The following RPS6KA2 variants were observed in gnomAD, a reference collection of about 807,000 sequenced individuals.
RPS6KA2 encodes the protein ribosomal protein S6 kinase alpha-2.
Under a neutral mutation model 91.8 loss-of-function variants are expected in RPS6KA2, and 42 were observed. The observed-to-expected ratio is 0.46, with a 90% CI of 0.36 to 0.59. The LOEUF (loss-of-function observed/expected upper bound fraction) is 0.59, where lower values mean the gene tolerates loss of function less well. RPS6KA2 is among the 20% of genes least tolerant of loss of function. RPS6KA2 has a pLI of 0.00. For synonymous variants in RPS6KA2, 414 were observed against 393.6 expected (o/e 1.05, Z -0.61); for missense variants, 798 against 978.5 (o/e 0.82, Z 2.46).
At chr6:166,818,892 C>T (rs531051450) in intron 2 of RPS6KA2, among the ~76,000 whole-genome samples, 6 of 152,132 alleles carry the variant, frequency 3.9e-5, no homozygotes, top group Non-Finnish European at 7.4e-5. Flanking sequence ...CCAGGCTCAT[C>T]TTGTATGTCG....
intron 1 of RPS6KA2, among the ~76,000 whole-genome samples, chr6:166,575,094 C>T (rs1466134283): frequency 2.6e-5 from 4 of 152,234 alleles, no homozygotes; most frequent in African/African-American, 9.7e-5. Context: ...ATGATAGGCA[C>T]AGCCACCAAC....
Position 166,535,001 on chromosome 6 carries a change from C to G in RPS6KA2, c.216+3667G>C, listed in dbSNP as rs3799644. Among the ~76,000 whole-genome samples the G allele has an allele frequency of 5.2e-4, 79 of 152,382 alleles. No homozygotes were observed. In the East Asian group the frequency reaches 0.015, roughly 28 times the overall value. ...GTGCCGTGCAGTTCCCTCTCCCTCT[C>G]TGCTGTCATTCTTGTCACTGAAGAT... On this transcript the variant is annotated intron_variant, in intron 2 of 20. Coordinates refer to ENST00000265678, the MANE Select transcript of RPS6KA2 (RefSeq NM_021135.6).
chr6:166,839,398 T>C (rs921483645), intron 2 of RPS6KA2, among the ~76,000 whole-genome samples: 2 of 151,982 alleles, frequency 1.3e-5, no homozygotes, highest in African/African-American at 2.4e-5. Context: ...TTTTCCAGGA[T>C]ACGTTATGAA....
intron 2 of RPS6KA2, among the ~76,000 whole-genome samples, chr6:166,792,399 A>G (rs1330791428): frequency 1.3e-5 from 2 of 151,982 alleles, no homozygotes; most frequent in Non-Finnish European, 2.9e-5. Flanking sequence ...GACCAGATGG[A>G]TTCACAGCCG....
rs1384448718 is a variant in RPS6KA2 at position 166,557,072 on chromosome 6, G to T, written c.100-18288C>A. ...AGCCGGGGCTGACTCATCACATCCC[G>T]CCTCGCCAAACACGTTTTCTCTTCC... On this transcript the variant is annotated intron_variant, in intron 1 of 20. Coordinates refer to ENST00000265678, the MANE Select transcript of RPS6KA2 (RefSeq NM_021135.6). The surrounding 1 kb of genome is among the most constrained non-coding windows in gnomAD (Gnocchi z 4.8). Among the ~76,000 whole-genome samples, 1 of 152,308 alleles carries T rather than the reference G, an allele frequency of 6.6e-6. No individual in the cohort carries two copies. Among genetic ancestry groups the T allele is most frequent in the East Asian group, 1.9e-4 (1 of 5,176 alleles).
chr6:166,819,544 T>C (rs1413795338), intron 2 of RPS6KA2, among the ~76,000 whole-genome samples: 1 of 152,224 alleles, frequency 6.6e-6, no homozygotes, highest in Non-Finnish European at 1.5e-5. Context: ...CATTGATAAG[T>C]GGACTCACAC....
intron 15 of RPS6KA2, 39 bp downstream of exon 15, chr6:166,432,362 A>G (rs1318104453): frequency 1.5e-6 from 2 of 1,329,026 alleles, no homozygotes; most frequent in Admixed American, 3.5e-5. Context: ...TTGAAGAAAC[A>G]GAAGGAAGTG....
rs190766138 is a variant in RPS6KA2, at chr6:166,730,011, T to G, written c.123+128189A>C. On this transcript the variant is annotated intron_variant, in intron 2 of 21. Transcript: ENST00000503859. ...TCTAAAGAAATAAAGATTTTATGTT[T>G]CATCAAGATAATTTTCTGTGTTGCC... Among the ~76,000 whole-genome samples the G allele has an allele frequency of 5.9e-5, 9 of 152,362 alleles. No homozygotes were observed. In the East Asian group the frequency reaches 1.7e-3, roughly 29 times the overall value.
chr6:166,751,538 A>AGG (rs1048255973), intron 2 of RPS6KA2, among the ~76,000 whole-genome samples: 2 of 152,248 alleles, frequency 1.3e-5, no homozygotes, highest in Non-Finnish European at 2.9e-5. Flanking sequence ...AGATGGCGAC[A>AGG]GGGGCTTGAG....
chr6:166,634,600 A>G (rs1787178646), intron 2 of RPS6KA2, among the ~76,000 whole-genome samples: 1 of 152,232 alleles, frequency 6.6e-6, no homozygotes, highest in Non-Finnish European at 1.5e-5. Flanking sequence ...TGAGAAAATA[A>G]CACATAACTC....
At chr6:166,453,740 A>G (rs1421268404) in intron 12 of RPS6KA2, among the ~76,000 whole-genome samples, 1 of 152,248 alleles carries the variant, frequency 6.6e-6, no homozygotes, top group African/African-American at 2.4e-5. Flanking sequence ...TCAAAAAGAT[A>G]CCCGCACTTG....
chr6:166,517,455 GTTTTT>G lies in RPS6KA2; in HGVS notation c.299-7103_299-7099del, dbSNP rs71032809. 3.8e-4 allele frequency among the ~76,000 whole-genome samples: 40 copies of G among 104,930 alleles called. 1 individual carries two copies. The South Asian group carries it at 7.9e-3, about 21-fold the overall frequency. 68.8% of individuals were successfully genotyped at this position (104,930 alleles called of 152,430 possible). A position where few individuals can be genotyped will look rare whatever the true frequency, so the allele number is the denominator to read the frequency against. Reference sequence around the variant, plus strand: ...ACCACTTAAGGCGTTCTTTTGTTTTGTTTTTTTTTTTTTTTTTTTTTTTTTTTTTT... The same window carrying G: ...ACCACTTAAGGCGTTCTTTTGTTTTGTTTTTTTTTTTTTTTTTTTTTTTTT... On this transcript the variant is annotated intron_variant, in intron 3 of 20. Coordinates refer to ENST00000265678, the MANE Select transcript of RPS6KA2 (RefSeq NM_021135.6).
At chr6:166,544,478 C>CA (rs1783762753) in intron 1 of RPS6KA2, 1 of 152,084 alleles carries the variant, frequency 6.6e-6, no homozygotes, top group Admixed American at 6.5e-5. Context: ...CCACCCATGA[C>CA]AAAAATCCTC....
At chr6:166,710,471 G>T (rs1468529187) in intron 2 of RPS6KA2, among the ~76,000 whole-genome samples, 10 of 118,618 alleles carry the variant, frequency 8.4e-5, no homozygotes, top group African/African-American at 3.1e-4. Context: ...TATGTGTATG[G>T]TATGTGTTGT....
intron 16 of RPS6KA2, among the ~76,000 whole-genome samples, chr6:166,427,619 T>C (rs1384135912): frequency 6.6e-6 from 1 of 152,170 alleles, no homozygotes; most frequent in African/African-American, 2.4e-5. Context: ...GGATACAAAA[T>C]CAATGTACAA....
intron 2 of RPS6KA2, among the ~76,000 whole-genome samples, chr6:166,751,966 C>T (rs1238167026): frequency 6.6e-6 from 1 of 152,082 alleles, no homozygotes; most frequent in Non-Finnish European, 1.5e-5. Context: ...CCGTGGAGCA[C>T]AGAAGCCAGA....
intron 2 of RPS6KA2, among the ~76,000 whole-genome samples, chr6:166,804,612 G>C (rs1018915721): frequency 2.5e-4 from 38 of 151,984 alleles, no homozygotes; most frequent in African/African-American, 8.7e-4. Context: ...GCATTACATA[G>C]AGTATTATAT....
rs189404874 is a variant in RPS6KA2 at position 166,676,473 on chromosome 6, C to A, written c.124-137689G>T. 2.4e-3 allele frequency among the ~76,000 whole-genome samples: 364 copies of A among 152,314 alleles called. 6 individuals are homozygous for A. Among genetic ancestry groups the A allele is most frequent in the Admixed American group, 0.02 (309 of 15,310 alleles). The stretch of plus-strand genomic sequence containing the variant: ...AGCGCAAGTCCACCCTGTGATTCCA[C>A]GCCTCACCCTCTAGCGGCTCGGCTC... On this transcript the variant is annotated intron_variant, in intron 2 of 21. Coordinates refer to the RPS6KA2 transcript ENST00000503859.
chr6:166,609,557 G>A (rs1786087560), intron 1 of RPS6KA2, among the ~76,000 whole-genome samples: 2 of 150,500 alleles, frequency 1.3e-5, no homozygotes, highest in Non-Finnish European at 3.0e-5. Context: ...GCCCAGGCTG[G>A]AGTGCAGTCT....
Sources: allele counts gnomAD v4.1 joint callset (sites outside exome capture counted in the v4.1 genomes callset), GRCh38; gene constraint gnomAD v4.1.1; non-coding constraint Gnocchi (gnomAD v3.1); transcripts MANE v1.5; gene names NCBI Gene and HGNC (gene_info 2026-07-23, HGNC 2026-07-21).